ARHGEF6: variants seen among roughly 807,000 people sequenced by gnomAD.
ARHGEF6 encodes rho guanine nucleotide exchange factor 6.
ARHGEF6 carries 9 observed loss-of-function variants against 70.3 expected under a neutral mutation model. That is an observed-to-expected ratio of 0.13 (90% CI 0.08 to 0.22). The LOEUF is 0.22. Ranked by LOEUF, ARHGEF6 falls within the 10% of genes least tolerant of loss-of-function variation. The pLI, the probability that ARHGEF6 is intolerant of heterozygous loss-of-function variation, is 1.00. For synonymous variants in ARHGEF6, 201 were observed against 207.8 expected, an observed-to-expected ratio of 0.97 and a Z score of 0.28; for missense variants, 470 against 563.0, an observed-to-expected ratio of 0.83 and a Z score of 1.67.
chrX:136,767,370 C>G, intron 2 of ARHGEF6: 1 of 755,100 alleles, frequency 1.3e-6, no homozygotes, highest in Non-Finnish European at 1.6e-6. Flanking sequence ...CTCGCCCCAG[C>G]GGGGAGGGGC....
intron 5 of ARHGEF6, among the ~76,000 whole-genome samples, chrX:136,737,703 C>T (rs1240244882): frequency 2.9e-5 from 3 of 101,792 alleles, no homozygotes; most frequent in Admixed American, 1.1e-4. Flanking sequence ...AAAAAAAAGA[C>T]AGAGAGAGAT....
chrX:136,767,096 CCT>C (rs1317370027), intron 2 of ARHGEF6: 1 of 752,344 alleles, frequency 1.3e-6, no homozygotes, highest in African/African-American at 2.3e-5. Flanking sequence ...ACCCCCGGGC[CCT>C]CGCGCGCTCC....
chrX:136,727,353 C>CT (rs2076869267), intron 6 of ARHGEF6, among the ~76,000 whole-genome samples: 1 of 51,073 alleles, frequency 2.0e-5, no homozygotes, highest in African/African-American at 7.5e-5. Flanking sequence ...TTCTTTCTTT[C>CT]TTTCTTTCTT....
chrX:136,684,730 A>T (rs1451254785), intron 12 of ARHGEF6, among the ~76,000 whole-genome samples: 2 of 110,719 alleles, frequency 1.8e-5, no homozygotes, highest in African/African-American at 6.6e-5. Context: ...TATATTCTTC[A>T]TCTCCTCTAA....
chrX:136,735,707 C>T (rs754658451), intron 5 of ARHGEF6, among the ~76,000 whole-genome samples: 52 of 111,803 alleles, frequency 4.7e-4, no homozygotes, highest in Non-Finnish European at 9.0e-4. Flanking sequence ...TTCCAATTAA[C>T]TTTTGATTCT....
chrX:136,689,647 G>C (rs2148592772), intron 10 of ARHGEF6, among the ~76,000 whole-genome samples: 1 of 112,034 alleles, frequency 8.9e-6, no homozygotes, highest in South Asian at 3.7e-4. Context: ...TGAGAATGTG[G>C]TTTCGCTCAG....
intron 1 of ARHGEF6, among the ~76,000 whole-genome samples, chrX:136,780,053 T>A (rs1243424546): frequency 8.9e-6 from 1 of 112,186 alleles, no homozygotes; most frequent in Non-Finnish European, 1.9e-5. Flanking sequence ...AATGTAAAAT[T>A]GTACCTTTAA....
At chrX:136,766,206 G>A (rs1365076219) in intron 2 of ARHGEF6, among the ~76,000 whole-genome samples, 1 of 112,052 alleles carries the variant, frequency 8.9e-6, no homozygotes, top group Non-Finnish European at 1.9e-5. Flanking sequence ...AGCAAATGAT[G>A]TCATCAGAGA....
At chrX:136,736,184 T>G (rs113365201) in intron 5 of ARHGEF6, among the ~76,000 whole-genome samples, 4 of 111,940 alleles carry the variant, frequency 3.6e-5, no homozygotes, top group South Asian at 3.7e-4. Context: ...AAAAAGGATA[T>G]AATTACCATT....
intron 5 of ARHGEF6, among the ~76,000 whole-genome samples, chrX:136,734,912 A>G (rs1305522956): frequency 8.9e-6 from 1 of 112,209 alleles, no homozygotes; most frequent in Non-Finnish European, 1.9e-5. Flanking sequence ...CAGAAAAAGC[A>G]CTTAACAAAA....
intron 11 of ARHGEF6, among the ~76,000 whole-genome samples, chrX:136,686,719 T>G (rs2076405990): frequency 1.1e-5 from 1 of 89,748 alleles, no homozygotes; most frequent in Non-Finnish European, 2.2e-5. Context: ...CATATATATA[T>G]ATATATATAT....
At position 136,701,697 on chromosome X, in the gene ARHGEF6, TTTTTC is replaced by T. The variant is rs1255900442; in HGVS notation, c.1046+5206_1046+5210del. On this transcript the variant is annotated intron_variant, in intron 9 of 21. Coordinates refer to ENST00000250617, the MANE Select transcript of ARHGEF6 (RefSeq NM_004840.3). ...AATCCAGGTAAAACAAAATATTTCA[TTTTTC>T]TTTTTTTTTTTTTTTTTTTTTTTGA... Among the ~76,000 whole-genome samples the T allele has an allele frequency of 8.1e-4, 83 of 102,376 alleles. 1 individual carries two copies. The highest frequency in any genetic ancestry group is 1.6e-3 in the Non-Finnish European group (79 of 49,977). 88.9% of individuals were successfully genotyped at this position (102,376 alleles called of 115,157 possible).
At position 136,667,333 on chromosome X, in the gene ARHGEF6, A is replaced by G. The variant is rs922549308; in HGVS notation, c.*696T>C. On this transcript the variant is annotated 3_prime_UTR_variant, in exon 22 of 22. Coordinates refer to ENST00000250617, the MANE Select transcript of ARHGEF6 (RefSeq NM_004840.3). ...GGTGACCAGAGCTTCTGCCCCCCTGAGTTACAATTTACATGACACAAAAGG... is the reference window on the plus strand; with the variant it reads ...GGTGACCAGAGCTTCTGCCCCCCTGGGTTACAATTTACATGACACAAAAGG... 1.8e-5 allele frequency: 2 copies of G among 112,343 alleles called. No homozygotes were observed. The highest frequency in any genetic ancestry group is 3.8e-5 in the Non-Finnish European group (2 of 53,288). 9.3% of individuals were successfully genotyped at this position (112,343 alleles called of 1,213,427 possible). A position where few individuals can be genotyped will look rare whatever the true frequency, so the allele number is the denominator to read the frequency against.
At chrX:136,670,431 G>C (rs769583205) in intron 20 of ARHGEF6, among the ~76,000 whole-genome samples, 3 of 111,085 alleles carry the variant, frequency 2.7e-5, no homozygotes, top group African/African-American at 9.8e-5. Flanking sequence ...TTTTGATCTG[G>C]GGTTGGTTGA....
chrX:136,720,216 CAT>C (rs1354707175), intron 6 of ARHGEF6, among the ~76,000 whole-genome samples: 5 of 111,675 alleles, frequency 4.5e-5, no homozygotes, highest in South Asian at 3.7e-4. Flanking sequence ...CTCTAATGAA[CAT>C]AGTTACAAAA....
At chrX:136,747,016 G>T (rs1376568578) in intron 3 of ARHGEF6, among the ~76,000 whole-genome samples, 4 of 111,527 alleles carry the variant, frequency 3.6e-5, no homozygotes, top group African/African-American at 1.3e-4. Context: ...AGTGTGGTAG[G>T]TGTTAAACAT....
At chrX:136,778,744 C>T (rs2077425496) in intron 2 of ARHGEF6, among the ~76,000 whole-genome samples, 1 of 111,386 alleles carries the variant, frequency 9.0e-6, no homozygotes, top group African/African-American at 3.3e-5. Flanking sequence ...TCTGCCTTGG[C>T]CTAGGATTAA....
Position 136,711,619 on chromosome X carries a change from G to A in ARHGEF6, c.827+1657C>T, listed in dbSNP as rs748428894. On this transcript the variant is annotated intron_variant, in intron 7 of 21. Coordinates refer to ENST00000250617, the MANE Select transcript of ARHGEF6 (RefSeq NM_004840.3). ...ACTCTGTCCCCCAGGCTGGAGTACAGTGGCATGAACTTGGCGCACTGCAAC... is the reference window on the plus strand; with the variant it reads ...ACTCTGTCCCCCAGGCTGGAGTACAATGGCATGAACTTGGCGCACTGCAAC... Among the ~76,000 whole-genome samples the A allele has an allele frequency of 3.2e-4, 36 of 111,794 alleles. No individual in the cohort carries two copies. The South Asian group carries it at 5.3e-3, about 16-fold the overall frequency.
chrX:136,728,170 A>G (rs1424347424), intron 6 of ARHGEF6, among the ~76,000 whole-genome samples: 1 of 112,398 alleles, frequency 8.9e-6, no homozygotes, highest in Non-Finnish European at 1.9e-5. Context: ...GAAGTTTAAC[A>G]TATGGCAGCA....
Sources: allele counts gnomAD v4.1 joint callset (sites outside exome capture counted in the v4.1 genomes callset), GRCh38; gene constraint gnomAD v4.1.1; transcripts MANE v1.5; gene names NCBI Gene and HGNC (gene_info 2026-07-23, HGNC 2026-07-21).